Variants in NAV3 observed in about 807,000 individuals in gnomAD.
NAV3 encodes neuron navigator 3, also known as pore membrane and/or filament interacting like protein 1.
NAV3 carries 87 observed loss-of-function variants against 244.7 expected under a neutral mutation model. The observed-to-expected ratio is 0.36, with a 90% CI of 0.30 to 0.42. The LOEUF is 0.42. Ranked by LOEUF, NAV3 falls within the 20% of genes least tolerant of loss-of-function variation. The pLI, the probability that NAV3 is intolerant of heterozygous loss-of-function variation, is 1.00. For synonymous variants in NAV3, 1,126 were observed against 1,042.2 expected (o/e 1.08, Z -1.55); for missense variants, 2,663 against 2,893.3 (o/e 0.92, Z 1.83).
At chr12:77,657,938 G>A (rs1206312541) in intron 2 of NAV3, among the ~76,000 whole-genome samples, 5 of 152,084 alleles carry the variant, frequency 3.3e-5, no homozygotes, top group Non-Finnish European at 7.3e-5. Flanking sequence ...CAATAAATTA[G>A]GTATTGATGG....
chr12:77,798,720 A>G (rs1228697547), intron 2 of NAV3, among the ~76,000 whole-genome samples: 2 of 152,162 alleles, frequency 1.3e-5, no homozygotes, highest in African/African-American at 4.8e-5. Flanking sequence ...CATTACTATG[A>G]GGAGGTTCTT....
chr12:78,184,828 GTAT>G (rs1487079805), intron 30 of NAV3, among the ~76,000 whole-genome samples: 2 of 151,640 alleles, frequency 1.3e-5, no homozygotes, highest in African/African-American at 4.8e-5. Flanking sequence ...TTCTATGATA[GTAT>G]TATTATTAAA....
At chr12:78,161,214 T>C (rs1957532004) in intron 23 of NAV3, among the ~76,000 whole-genome samples, 1 of 152,098 alleles carries the variant, frequency 6.6e-6, no homozygotes, top group Non-Finnish European at 1.5e-5. Flanking sequence ...GACTACCTTG[T>C]AGGATCACCA....
chr12:77,725,925 GCT>G lies in NAV3; in HGVS notation c.72+153660_72+153661del, dbSNP rs1264764579. The stretch of plus-strand genomic sequence containing the variant: ...CCTTCTATCTTCAAAGCCTTCAATG[GCT>G]GACTGAATTTTTTTCATGCTGCATC... On this transcript the variant is annotated intron_variant, in intron 2 of 8. Transcript: ENST00000550042. 1.3e-4 allele frequency among the ~76,000 whole-genome samples: 19 copies of G among 151,954 alleles called. No homozygotes were observed. In the South Asian group the frequency reaches 3.7e-3, roughly 30 times the overall value.
At chr12:77,978,053 T>G (rs1266884951) in intron 5 of NAV3, among the ~76,000 whole-genome samples, 2 of 152,228 alleles carry the variant, frequency 1.3e-5, no homozygotes, top group African/African-American at 2.4e-5. Context: ...TTCTTAGTTT[T>G]ACTTTTCTTA....
At chr12:77,981,463 G>A (rs1194063773) in intron 5 of NAV3, among the ~76,000 whole-genome samples, 1 of 151,964 alleles carries the variant, frequency 6.6e-6, no homozygotes, top group African/African-American at 2.4e-5. Flanking sequence ...GCAATCATAG[G>A]ACACATAAAG....
intron 9 of NAV3, chr12:78,036,375 C>T (rs1215579950): frequency 6.5e-6 from 1 of 154,698 alleles, no homozygotes; most frequent in Non-Finnish European, 1.4e-5. Flanking sequence ...TGTGTCAGCT[C>T]GTTAGAGTAA....
chr12:77,973,765 G>A (rs997652606), intron 5 of NAV3, among the ~76,000 whole-genome samples: 3 of 152,048 alleles, frequency 2.0e-5, no homozygotes, highest in Admixed American at 6.6e-5. Flanking sequence ...AATTTAAGAT[G>A]ACAGGTAGGC....
intron 2 of NAV3, among the ~76,000 whole-genome samples, chr12:77,804,529 T>C (rs1871873585): frequency 6.6e-6 from 1 of 152,206 alleles, no homozygotes; most frequent in Non-Finnish European, 1.5e-5. Context: ...CATTGCTCTA[T>C]ATATCCGTTT....
chr12:77,626,894 T>C (rs899464769), intron 2 of NAV3, among the ~76,000 whole-genome samples: 1 of 152,044 alleles, frequency 6.6e-6, no homozygotes, highest in African/African-American at 2.4e-5. Flanking sequence ...GTAGAACTGA[T>C]ACACAAATGA....
At chr12:77,735,808 G>T (rs1877310686) in intron 2 of NAV3, among the ~76,000 whole-genome samples, 1 of 152,074 alleles carries the variant, frequency 6.6e-6, no homozygotes, top group Admixed American at 6.5e-5. Flanking sequence ...TGAATGGAAT[G>T]CCACATGCAA....
chr12:77,971,204 T>C (rs998905833), intron 5 of NAV3, among the ~76,000 whole-genome samples: 1 of 152,158 alleles, frequency 6.6e-6, no homozygotes, highest in Non-Finnish European at 1.5e-5. Context: ...ATTACAAGTT[T>C]ATGAAAAGTA....
At chr12:78,184,640 C>T (rs1291482538) in intron 30 of NAV3, among the ~76,000 whole-genome samples, 1 of 151,680 alleles carries the variant, frequency 6.6e-6, no homozygotes, top group Non-Finnish European at 1.5e-5. Context: ...AGAAACCATT[C>T]TATTTTTGGA....
In NAV3 at chr12:77,941,267, G is replaced by A. The variant is rs141584195; in HGVS notation, c.414+134G>A. The A allele has an allele frequency of 3.6e-5, 22 of 612,454 alleles. No individual in the cohort carries two copies. The African/African-American group carries it at 4.1e-4, about 11-fold the overall frequency. The allele number at this position is 612,454 out of a possible 1,614,324, so 37.9% of individuals were successfully genotyped here. On this transcript the variant is annotated intron_variant, in intron 3 of 39. Coordinates refer to ENST00000397909, the MANE Select transcript of NAV3 (RefSeq NM_001024383.2). ...ACCATTTGATCCCATTCTCTCATAT[G>A]TATTTGTGTGGGTTCAATTTAGGCA...
At chr12:77,724,626 C>T (rs1876794506) in intron 2 of NAV3, among the ~76,000 whole-genome samples, 1 of 151,648 alleles carries the variant, frequency 6.6e-6, no homozygotes, top group South Asian at 2.1e-4. Flanking sequence ...TTTCCATTTG[C>T]TCTTGGTGGT....
intron 34 of NAV3, among the ~76,000 whole-genome samples, chr12:78,193,356 A>G (rs956474685): frequency 1.3e-5 from 2 of 152,332 alleles, no homozygotes; most frequent in Admixed American, 1.3e-4. Context: ...TGGATTTAGT[A>G]GAGAATACAT....
At chr12:78,049,277 A>G (rs1386360822) in intron 9 of NAV3, among the ~76,000 whole-genome samples, 2 of 151,398 alleles carry the variant, frequency 1.3e-5, no homozygotes, top group Non-Finnish European at 2.9e-5. Flanking sequence ...GAAAAAAAAA[A>G]CTCCTGCAGC....
At chr12:77,786,717 A>G (rs1870919691) in intron 2 of NAV3, among the ~76,000 whole-genome samples, 1 of 152,246 alleles carries the variant, frequency 6.6e-6, no homozygotes, top group South Asian at 2.1e-4. Flanking sequence ...GAAGTTTTAA[A>G]TCGCCCTCTT....
intron 2 of NAV3, among the ~76,000 whole-genome samples, chr12:77,598,710 C>G (rs1017488391): frequency 1.3e-5 from 2 of 151,802 alleles, no homozygotes; most frequent in Non-Finnish European, 2.9e-5. Context: ...TCTGGTGTAC[C>G]TACCTGTAAA....
Sources: allele counts gnomAD v4.1 joint callset (sites outside exome capture counted in the v4.1 genomes callset), GRCh38; gene constraint gnomAD v4.1.1; transcripts MANE v1.5; gene names NCBI Gene and HGNC (gene_info 2026-07-23, HGNC 2026-07-21).